Variants in GPR176 observed in about 807,000 individuals in gnomAD.
The protein encoded by GPR176 is G protein-coupled receptor 176.
Under a neutral mutation model 35.4 loss-of-function variants are expected in GPR176, and 26 were observed. The ratio of observed to expected loss-of-function variants is 0.74; its 90% confidence interval spans 0.54 to 1.02. The LOEUF (loss-of-function observed/expected upper bound fraction) is 1.02, where lower values mean the gene tolerates loss of function less well. Among genes scored for constraint, GPR176 ranks in the 50% least tolerant of loss-of-function variants. The pLI is 0.00. For synonymous variants in GPR176, 278 were observed against 271.3 expected (o/e 1.02, Z -0.24); for missense variants, 597 against 665.3 (o/e 0.90, Z 1.13).
intron 1 of GPR176, among the ~76,000 whole-genome samples, chr15:39,900,442 C>T (rs1317181487): frequency 4.6e-5 from 7 of 152,120 alleles, no homozygotes; most frequent in Non-Finnish European, 1.0e-4. Flanking sequence ...TGCATTCATG[C>T]CTTGAAACAG....
rs113830288 is a variant in GPR176 at position 39,907,291 on chromosome 15, T to C, written c.172+12564A>G. Among the ~76,000 whole-genome samples, 289 of 152,350 alleles carry C rather than the reference T, an allele frequency of 1.9e-3. 1 individual carries two copies. The highest frequency in any genetic ancestry group is 6.3e-3 in the African/African-American group (262 of 41,586). Reference sequence around the variant, plus strand: ...TGCTCGGTGCCTTCTGCCTTTGCATTGTCTATTTAACTTGACAATGCCCAC... The same window carrying C: ...TGCTCGGTGCCTTCTGCCTTTGCATCGTCTATTTAACTTGACAATGCCCAC... On this transcript the variant is annotated intron_variant, in intron 1 of 2. Transcript: ENST00000561100.
chr15:39,853,629 T>C (rs2031017408), intron 1 of GPR176, among the ~76,000 whole-genome samples: 1 of 152,190 alleles, frequency 6.6e-6, no homozygotes, highest in South Asian at 2.1e-4. Flanking sequence ...TCTAGAATAG[T>C]GGCTCTCAAT....
chr15:39,893,768 G>A (rs2032970077), intron 1 of GPR176, among the ~76,000 whole-genome samples: 1 of 144,048 alleles, frequency 6.9e-6, no homozygotes, highest in African/African-American at 2.5e-5. Context: ...CGGGGCGGCT[G>A]GCCAGGCGGG....
At chr15:39,833,373 A>T (rs896559420) in intron 1 of GPR176, among the ~76,000 whole-genome samples, 1 of 152,208 alleles carries the variant, frequency 6.6e-6, no homozygotes, top group Non-Finnish European at 1.5e-5. Flanking sequence ...CCTCAAAAAC[A>T]TCATGCTAAA....
chr15:39,880,171 A>G (rs2032419738), intron 1 of GPR176, among the ~76,000 whole-genome samples: 1 of 152,180 alleles, frequency 6.6e-6, no homozygotes, highest in South Asian at 2.1e-4. Flanking sequence ...CTCACTTCCA[A>G]AAGTACAGCA....
intron 1 of GPR176, among the ~76,000 whole-genome samples, chr15:39,826,742 C>T (rs2140820310): frequency 6.6e-6 from 1 of 152,326 alleles, no homozygotes; most frequent in East Asian, 1.9e-4. Context: ...GCTTCTTCAG[C>T]TCTTGCCTGG....
rs1212933050 is a variant in GPR176, at chr15:39,853,734, A to C, written c.173-46476T>G. ...AGCAGGAGTGCTACTTGCACCTAGA[A>C]GACAGAGGCCAGGGATGCTATTATA... On this transcript the variant is annotated intron_variant, in intron 1 of 2. Transcript: ENST00000561100. Among the ~76,000 whole-genome samples, 6 of 152,246 alleles carry C rather than the reference A, an allele frequency of 3.9e-5. No individual in the cohort carries two copies. In the East Asian group the frequency reaches 1.2e-3, roughly 29 times the overall value.
chr15:39,805,688 C>G (rs1899146160), intron 2 of GPR176, among the ~76,000 whole-genome samples: 1 of 152,114 alleles, frequency 6.6e-6, no homozygotes, highest in African/African-American at 2.4e-5. Context: ...GGAGCTGCTC[C>G]CAGCAAGATC....
At chr15:39,811,297 G>A (rs949573716) in intron 1 of GPR176, among the ~76,000 whole-genome samples, 10 of 151,882 alleles carry the variant, frequency 6.6e-5, no homozygotes, top group East Asian at 3.9e-4. Flanking sequence ...CCAAGTGGCC[G>A]AGACTACAGA....
chr15:39,823,689 A>G (rs1442835609), intron 1 of GPR176, among the ~76,000 whole-genome samples: 1 of 152,080 alleles, frequency 6.6e-6, no homozygotes, highest in African/African-American at 2.4e-5. Flanking sequence ...TGAAACTTCC[A>G]TTGCCTTCCC....
intron 1 of GPR176, chr15:39,807,498 AT>A: frequency 7.3e-7 from 1 of 1,373,370 alleles, no homozygotes; most frequent in South Asian, 1.5e-5. Flanking sequence ...TCTCTATTTA[AT>A]TTTGGGCAAA....
intron 1 of GPR176, among the ~76,000 whole-genome samples, chr15:39,876,076 A>G (rs2032234260): frequency 6.6e-6 from 1 of 151,818 alleles, no homozygotes; most frequent in Admixed American, 6.6e-5. Context: ...ACTAGAGTCC[A>G]GGAGTTTGAG....
At chr15:39,821,481 T>A (rs1176661582) in intron 1 of GPR176, among the ~76,000 whole-genome samples, 1 of 152,216 alleles carries the variant, frequency 6.6e-6, no homozygotes, top group Non-Finnish European at 1.5e-5. Context: ...AAGGCTTAAG[T>A]ATGCAAATAC....
At chr15:39,905,495 A>AT (rs1566969051) in intron 1 of GPR176, among the ~76,000 whole-genome samples, 1 of 151,980 alleles carries the variant, frequency 6.6e-6, no homozygotes, top group Non-Finnish European at 1.5e-5. Flanking sequence ...GTGGCGGCAC[A>AT]TAACAGTGGG....
chr15:39,884,498 T>C (rs1318460561), intron 1 of GPR176, among the ~76,000 whole-genome samples: 2 of 152,216 alleles, frequency 1.3e-5, no homozygotes, highest in Non-Finnish European at 2.9e-5. Context: ...ATAAAGGTTG[T>C]TTTTCTCATG....
chr15:39,808,005 T>A (rs1595434525), intron 1 of GPR176, among the ~76,000 whole-genome samples: 1 of 152,138 alleles, frequency 6.6e-6, no homozygotes, highest in East Asian at 1.9e-4. Context: ...AGGCCTACAA[T>A]CTCCTGGTTT....
rs573815936 is a variant in GPR176, at chr15:39,919,998, G to A, written c.29C>T (p.Pro10Leu). The A allele has an allele frequency of 1.3e-5, 19 of 1,435,870 alleles. No individual in the cohort carries two copies. In the South Asian group the frequency reaches 2.5e-4, roughly 19 times the overall value. 88.9% of individuals were successfully genotyped at this position (1,435,870 alleles called of 1,614,324 possible). A position where few individuals can be genotyped will look rare whatever the true frequency, so the allele number is the denominator to read the frequency against. Residue 10 changes from proline to leucine, a missense_variant, in exon 1 of 3, where the codon CCA becomes CTA. Transcript: ENST00000561100. ...CGCGTTGTGCGGCTCGCTGGCATTT[G>A]GAGAGATCCAGCTCCCGTTATGTCC... Reference protein sequence around the residue: MGHNGSWISPNASEPHNASG... With the variant: MGHNGSWISLNASEPHNASG...
chr15:39,881,827 G>A (rs1203713302), intron 1 of GPR176, among the ~76,000 whole-genome samples: 1 of 152,130 alleles, frequency 6.6e-6, no homozygotes, highest in Non-Finnish European at 1.5e-5. Flanking sequence ...TCTCACTCTA[G>A]TACAAGTAAA....
In GPR176 at chr15:39,843,253, G is replaced by A. The variant is rs147323356; in HGVS notation, c.173-35995C>T. On this transcript the variant is annotated intron_variant, in intron 1 of 2. Transcript: ENST00000561100. ...TGCAAGTCCTAGAAATACTTGTAGT[G>A]GGGAGAAGAATGTGAAGAGGCTGAT... Among the ~76,000 whole-genome samples, 450 of 152,174 alleles carry A rather than the reference G, an allele frequency of 3.0e-3. 2 individuals are homozygous for A. The highest frequency in any genetic ancestry group is 0.01 in the African/African-American group (429 of 41,546).
Sources: allele counts gnomAD v4.1 joint callset (sites outside exome capture counted in the v4.1 genomes callset), GRCh38; gene constraint gnomAD v4.1.1; transcripts MANE v1.5; gene names NCBI Gene and HGNC (gene_info 2026-07-23, HGNC 2026-07-21).